The following NTN5 variants were observed in gnomAD, a reference collection of about 807,000 sequenced individuals.
The protein encoded by NTN5 is netrin 5.
A neutral mutation model predicts 38.7 loss-of-function variants in NTN5; 42 were observed. The ratio of observed to expected loss-of-function variants is 1.08; its 90% CI spans 0.85 to 1.40. NTN5 has a LOEUF of 1.40. Among genes scored for constraint, NTN5 ranks in the 40% most tolerant of loss-of-function variants. The pLI is 0.00. For synonymous variants in NTN5, 329 were observed against 303.9 expected (o/e 1.08, Z -0.86); for missense variants, 658 against 716.5 (o/e 0.92, Z 0.93).
chr19:48,665,741 C>G (rs1012503146), intron 2 of NTN5, among the ~76,000 whole-genome samples: 5 of 151,846 alleles, frequency 3.3e-5, no homozygotes, highest in Non-Finnish European at 4.4e-5. Flanking sequence ...ATTGCTTGAA[C>G]CCAGGAGGTG....
intron 2 of NTN5, among the ~76,000 whole-genome samples, chr19:48,670,036 A>G (rs748461268): frequency 7.7e-5 from 6 of 77,824 alleles, no homozygotes; most frequent in Non-Finnish European, 1.4e-4. Flanking sequence ...TCACCACCAC[A>G]GTCATCACCA....
chr19:48,669,780 A>ACCACCATCATCACCATCAC (rs1555750017), intron 2 of NTN5, among the ~76,000 whole-genome samples: 3 of 40,088 alleles, frequency 7.5e-5, no homozygotes, highest in Admixed American at 3.0e-4. Context: ...CATCACCATC[A>ACCACCATCATCACCATCAC]CACCACCACC....
chr19:48,670,542 C>G lies in NTN5; in HGVS notation c.445G>C (p.Ala149Pro), dbSNP rs1358032082. Residue 149 changes from alanine (A) to proline (P), a missense_variant, in exon 2 of 7, where the codon GCG becomes CCG. By Grantham distance (27) the Ala-to-Pro change is conservative (BLOSUM62 -1). Transcript: ENST00000270235. ...RVEFGGQAGL[A>P]AAGLRGRCQC... ...CAGCGGCCTCTCAGCCCAGCTGCCG[C>G]TAGCCCGGCCTGGCCCCCAAACTCC... 8.0e-6 allele frequency: 12 copies of G among 1,506,296 alleles called. No individual in the cohort carries two copies. The highest frequency in any genetic ancestry group is 1.1e-5 in the Non-Finnish European group (12 of 1,124,878). The allele number at this position is 1,506,296 out of a possible 1,614,324, so 93.3% of individuals were successfully genotyped here. A position where few individuals can be genotyped will look rare whatever the true frequency, so the allele number is the denominator to read the frequency against.
rs763683279 is a variant in NTN5 at position 48,670,924 on chromosome 19, A to G, written c.63T>C (p.Asp21=). Residue 21 remains aspartate, a synonymous_variant, in exon 2 of 7, where the codon GAT becomes GAC. Transcript: ENST00000270235. The stretch of plus-strand genomic sequence containing the variant: ...GGCAGAATTGGGGGCGGCCCTGTGG[A>G]TCGTAGCATGGGTCCGCAGTGGCCT... ...LGQATADPCY[D]PQGRPQFCLP... is the part of the protein sequence containing the mutation. 4 of 1,595,320 alleles carry G rather than the reference A, an allele frequency of 2.5e-6. No individual in the cohort carries two copies. The highest frequency in any genetic ancestry group is 1.7e-5 in the Admixed American group (1 of 58,504).
At chr19:48,669,767 TACCATCACCATCACACCACCACCATC>T (rs2031874676) in intron 2 of NTN5, among the ~76,000 whole-genome samples, 1 of 17,522 alleles carries the variant, frequency 5.7e-5, no homozygotes, top group Non-Finnish European at 1.3e-4. Flanking sequence ...TCGTCACCAC[TACCATCACCATCACACCACCACCATC>T]ACCATCACCA....
intron 1 of NTN5, 30 bp downstream of exon 1, chr19:48,672,902 C>T (rs371252724): frequency 1.1e-4 from 25 of 219,924 alleles, no homozygotes; most frequent in African/African-American, 4.4e-4. Flanking sequence ...CCCCCCAACC[C>T]GAGCCCTGAG....
intron 1 of NTN5, among the ~76,000 whole-genome samples, chr19:48,671,457 G>T (rs2122147981): frequency 6.6e-6 from 1 of 152,190 alleles, no homozygotes; most frequent in East Asian, 1.9e-4. Context: ...GTCAGCCTAG[G>T]GGAGGCGCTC....
At chr19:48,665,485 G>A (rs1204847977) in intron 2 of NTN5, among the ~76,000 whole-genome samples, 1 of 150,778 alleles carries the variant, frequency 6.6e-6, no homozygotes, top group Non-Finnish European at 1.5e-5. Flanking sequence ...AGTCCGGGGG[G>A]ACTCATGAAC....
chr19:48,672,160 A>G (rs2122150356), intron 1 of NTN5, among the ~76,000 whole-genome samples: 1 of 152,252 alleles, frequency 6.6e-6, no homozygotes, highest in African/African-American at 2.4e-5. Flanking sequence ...GCGGTGGGTA[A>G]TGAGGAGGAG....
In NTN5 at chr19:48,664,196, T is replaced by C. The variant is rs1169127211; in HGVS notation, c.917A>G (p.Asn306Ser). Residue 306 changes from asparagine (N) to serine (S), a missense_variant, in exon 4 of 7, where the codon AAC becomes AGC. Coordinates refer to ENST00000270235, the MANE Select transcript of NTN5 (RefSeq NM_145807.4). Reference protein sequence around the residue: ...CKLGVTGLTCNRCGPGYQQSR... With the variant: ...CKLGVTGLTCSRCGPGYQQSR... ...CTGCTGGTAGCCAGGGCCACAGCGG[T>C]TGCAGGTCAGGCCTGTGACCCCTAA... The C allele has an allele frequency of 1.9e-6, 3 of 1,610,332 alleles. No homozygotes were observed. In the Admixed American group the frequency reaches 5.1e-5, roughly 27 times the overall value.
At position 48,672,974 on chromosome 19, in the gene NTN5, G is replaced by T. The variant is rs1168163528; in HGVS notation, c.-63C>A. The T allele has an allele frequency of 5.3e-5, 16 of 303,586 alleles. No homozygotes were observed. The highest frequency in any genetic ancestry group is 7.4e-5 in the Non-Finnish European group (11 of 147,778). The allele number at this position is 303,586 out of a possible 1,614,324, so 18.8% of individuals were successfully genotyped here. A position where few individuals can be genotyped will look rare whatever the true frequency, so the allele number is the denominator to read the frequency against. On this transcript the variant is annotated 5_prime_UTR_variant, in exon 1 of 7. Transcript: ENST00000270235. Reference sequence around the variant, plus strand: ...GCGTCCTGCAGCCAGTTCCCCGCAGGCTCTTCCTCCAAGCTGTGGCGCGGT... The same window carrying T: ...GCGTCCTGCAGCCAGTTCCCCGCAGTCTCTTCCTCCAAGCTGTGGCGCGGT...
chr19:48,670,346 C>T lies in NTN5; in HGVS notation c.631+10G>A. On this transcript the variant is annotated intron_variant, in intron 2 of 6. Coordinates refer to ENST00000270235, the MANE Select transcript of NTN5 (RefSeq NM_145807.4). Reference sequence around the variant, plus strand: ...GCAAAGGCAGGGAGAGTGAGGGGCGCAGGACTCACGTAGGCAAGGGTGGGG... The same window carrying T: ...GCAAAGGCAGGGAGAGTGAGGGGCGTAGGACTCACGTAGGCAAGGGTGGGG... 7.1e-7 allele frequency: 1 copy of T among 1,403,900 alleles called. No individual in the cohort carries two copies. The highest frequency in any genetic ancestry group is 9.3e-7 in the Non-Finnish European group (1 of 1,079,470). 87.0% of individuals were successfully genotyped at this position (1,403,900 alleles called of 1,614,324 possible).
chr19:48,669,136 TATCACCATCATCAC>T (rs2031793242), intron 2 of NTN5, among the ~76,000 whole-genome samples: 1 of 44,312 alleles, frequency 2.3e-5, no homozygotes, highest in Non-Finnish European at 4.4e-5. Context: ...ACCATCATCA[TATCACCATCATCAC>T]CACCATCACC....
intron 2 of NTN5, among the ~76,000 whole-genome samples, chr19:48,669,259 C>G (rs1601211161): frequency 4.1e-5 from 1 of 24,146 alleles, no homozygotes; most frequent in Admixed American, 3.0e-4. Flanking sequence ...TCACCACCAC[C>G]ACGACCATCA....
At position 48,664,775 on chromosome 19, in the gene NTN5, CA is replaced by C; in HGVS notation, c.632-9del. 2.0e-6 allele frequency: 3 copies of C among 1,535,662 alleles called. No individual in the cohort carries two copies. The highest frequency in any genetic ancestry group is 2.1e-5 in the Admixed American group (1 of 47,402). Reference sequence around the variant, plus strand: ...GCTGGTTGCAGGAGCAGGCTAGGAGCAAAATGGGGTGGGGGCGCATCAGGGC... The same window carrying C: ...GCTGGTTGCAGGAGCAGGCTAGGAGCAAATGGGGTGGGGGCGCATCAGGGC... On this transcript the variant is annotated splice_polypyrimidine_tract_variant and intron_variant, in intron 2 of 6. Coordinates refer to ENST00000270235, the MANE Select transcript of NTN5 (RefSeq NM_145807.4).
Position 48,661,848 on chromosome 19 carries a change from G to T in NTN5, c.1299C>A (p.Gly433=). The change falls in exon 7 of 7, where the codon GGC becomes GGA. Residue 433 remains glycine (G), a synonymous_variant. Transcript: ENST00000270235. ...LQPGTDYLLL[G]SAVGDPDPTR... ...TGGGGTCGGGGTCGCCCACGGCGCT[G>T]CCCAGCAGCAGGTAGTCGGTGCCTG... The T allele has an allele frequency of 1.1e-5, 15 of 1,338,662 alleles. No individual in the cohort carries two copies. Among genetic ancestry groups the T allele is most frequent in the Non-Finnish European group, 1.4e-5 (15 of 1,048,672 alleles). 82.9% of individuals were successfully genotyped at this position (1,338,662 alleles called of 1,614,324 possible). A position where few individuals can be genotyped will look rare whatever the true frequency, so the allele number is the denominator to read the frequency against.
At chr19:48,669,688 C>CCACCAT (rs1568452414) in intron 2 of NTN5, among the ~76,000 whole-genome samples, 6 of 111,330 alleles carry the variant, frequency 5.4e-5, no homozygotes, top group African/African-American at 2.2e-4. Context: ...ACCACCATCA[C>CCACCAT]CACCACCATC....
In NTN5 at chr19:48,670,583, G is replaced by A. The variant is rs2031932806; in HGVS notation, c.404C>T (p.Ala135Val). ...STPGPKATVAASHLRVEFGGQ... is the reference protein window; with the variant it reads ...STPGPKATVAVSHLRVEFGGQ... ...CCCAAACTCCACACGGAGGTGGCTG[G>A]CCGCCACAGTGGCCTTAGGACCTGG... is the stretch of plus-strand genomic sequence containing the variant. The change falls in exon 2 of 7, where the codon GCC (alanine) becomes GTC (valine). Residue 135 changes from alanine (A) to valine (V), a missense_variant. Ala to Val is a moderately conservative substitution (Grantham distance 64). Coordinates refer to ENST00000270235, the MANE Select transcript of NTN5 (RefSeq NM_145807.4). 1 of 1,572,220 alleles carries A rather than the reference G, an allele frequency of 6.4e-7. No homozygotes were observed. Among genetic ancestry groups the A allele is most frequent in the Non-Finnish European group, 8.6e-7 (1 of 1,159,246 alleles).
Position 48,664,241 on chromosome 19 carries a change from C to T in NTN5, c.872G>A (p.Ser291Asn), listed in dbSNP as rs1359978497. 5 of 1,612,840 alleles carry T rather than the reference C, an allele frequency of 3.1e-6. No homozygotes were observed. In the African/African-American group the frequency reaches 5.3e-5, roughly 17 times the overall value. ...GATGGTCNQTSGQCTCKLGVT... is the reference protein window; with the variant it reads ...GATGGTCNQTNGQCTCKLGVT... ...CCCTAACTTGCAGGTGCACTGCCCACTGGTCTGGTTGCAGGTTCCTCCTGT... is the reference window on the plus strand; with the variant it reads ...CCCTAACTTGCAGGTGCACTGCCCATTGGTCTGGTTGCAGGTTCCTCCTGT... Residue 291 changes from serine to asparagine, a missense_variant, in exon 4 of 7, where the codon AGT becomes AAT. By Grantham distance (46) the Ser-to-Asn change is conservative. Coordinates refer to ENST00000270235, the MANE Select transcript of NTN5 (RefSeq NM_145807.4).
Sources: allele counts gnomAD v4.1 joint callset (sites outside exome capture counted in the v4.1 genomes callset), GRCh38; gene constraint gnomAD v4.1.1; transcripts MANE v1.5; gene names NCBI Gene and HGNC (gene_info 2026-07-23, HGNC 2026-07-21).